Variants in SPIDR observed in about 807,000 individuals in gnomAD.
SPIDR encodes DNA repair-scaffolding protein.
In SPIDR, 93 loss-of-function variants were observed where a neutral mutation model predicts 104.6. That is an observed-to-expected ratio of 0.89 (90% CI 0.75 to 1.06). SPIDR has a LOEUF of 1.06. SPIDR is among the 50% of genes least tolerant of loss of function. The pLI is 0.00. For synonymous variants in SPIDR, 431 were observed against 416.9 expected (o/e 1.03, Z -0.41); for missense variants, 1,154 against 1,111.2 (o/e 1.04, Z -0.55).
intron 7 of SPIDR, among the ~76,000 whole-genome samples, chr8:47,439,038 G>T (rs949311024): frequency 3.3e-5 from 5 of 152,066 alleles, no homozygotes; most frequent in Admixed American, 2.6e-4. Flanking sequence ...CTTCATTTTT[G>T]TTGTTCTCAG....
In SPIDR at chr8:47,497,422, A is replaced by G. The variant is rs145420317; in HGVS notation, c.1097+56880A>G. On this transcript the variant is annotated intron_variant, in intron 8 of 19. Transcript: ENST00000297423. Reference sequence around the variant, plus strand: ...TGTATTTTCCTTTTCATTAATCTCAAAGTATTTTCTAATGTCCCTGTGATT... The same window carrying G: ...TGTATTTTCCTTTTCATTAATCTCAGAGTATTTTCTAATGTCCCTGTGATT... 5.6e-3 allele frequency among the ~76,000 whole-genome samples: 856 copies of G among 152,132 alleles called. 6 individuals carry two copies. Among genetic ancestry groups the G allele is most frequent in the African/African-American group, 0.019 (787 of 41,490 alleles).
chr8:47,725,292 C>G (rs1036218672), intron 16 of SPIDR, among the ~76,000 whole-genome samples: 1 of 152,218 alleles, frequency 6.6e-6, no homozygotes, highest in Non-Finnish European at 1.5e-5. Flanking sequence ...AAACTAAAGA[C>G]TTAATGGCAA....
chr8:47,583,353 T>C (rs577087417), intron 8 of SPIDR, among the ~76,000 whole-genome samples: 1 of 149,540 alleles, frequency 6.7e-6, no homozygotes, highest in East Asian at 2.0e-4. Flanking sequence ...ATCATGATAA[T>C]GTTCATTGGT....
intron 10 of SPIDR, among the ~76,000 whole-genome samples, chr8:47,628,819 T>G (rs1412734448): frequency 6.6e-6 from 1 of 152,230 alleles, no homozygotes; most frequent in Non-Finnish European, 1.5e-5. Flanking sequence ...GGAGAATGTT[T>G]GTTGGTTTTT....
At chr8:47,363,318 G>A (rs1158273575) in intron 5 of SPIDR, among the ~76,000 whole-genome samples, 2 of 137,728 alleles carry the variant, frequency 1.5e-5, no homozygotes, top group Non-Finnish European at 3.0e-5. Context: ...CCATTCTCCT[G>A]CCTCAGCCTC....
At chr8:47,390,880 G>C (rs1308116949) in intron 5 of SPIDR, among the ~76,000 whole-genome samples, 1 of 152,076 alleles carries the variant, frequency 6.6e-6, no homozygotes, top group Admixed American at 6.5e-5. Flanking sequence ...CTCCTTTCTC[G>C]TTAGTCTGAT....
chr8:47,678,763 T>C (rs965350819), intron 11 of SPIDR, among the ~76,000 whole-genome samples: 1 of 152,104 alleles, frequency 6.6e-6, no homozygotes, highest in Non-Finnish European at 1.5e-5. Flanking sequence ...TCAGTTTCCA[T>C]GAAAAGGTGA....
At chr8:47,349,852 C>G (rs1233125154) in intron 5 of SPIDR, among the ~76,000 whole-genome samples, 2 of 152,162 alleles carry the variant, frequency 1.3e-5, no homozygotes, top group East Asian at 3.9e-4. Flanking sequence ...CGGGAGTGTC[C>G]CGATTTTCCA....
chr8:47,650,937 T>A (rs2154456673), intron 10 of SPIDR, among the ~76,000 whole-genome samples: 1 of 152,284 alleles, frequency 6.6e-6, no homozygotes, highest in East Asian at 1.9e-4. Flanking sequence ...TCTCTCACCT[T>A]ATACAAAATA....
intron 6 of SPIDR, among the ~76,000 whole-genome samples, chr8:47,404,430 A>G (rs2062410163): frequency 1.3e-5 from 2 of 152,242 alleles, no homozygotes; most frequent in African/African-American, 4.8e-5. Flanking sequence ...AAAATGGGAG[A>G]AAATTTTTGC....
chr8:47,410,288 TCTC>T (rs2063325508), intron 7 of SPIDR, among the ~76,000 whole-genome samples: 1 of 151,934 alleles, frequency 6.6e-6, no homozygotes, highest in Non-Finnish European at 1.5e-5. Context: ...TTCAAGCGAT[TCTC>T]CTCCTCAACC....
chr8:47,461,409 T>G (rs910914184), intron 8 of SPIDR, among the ~76,000 whole-genome samples: 8 of 152,142 alleles, frequency 5.3e-5, no homozygotes, highest in Non-Finnish European at 4.4e-5. Context: ...ACTCCCGGAT[T>G]CAAGCGATTC....
chr8:47,366,369 C>T (rs2057213045), intron 5 of SPIDR, among the ~76,000 whole-genome samples: 3 of 151,944 alleles, frequency 2.0e-5, no homozygotes, highest in Admixed American at 2.0e-4. Flanking sequence ...GGCTGTGGTT[C>T]CTGAAGAGGA....
intron 10 of SPIDR, among the ~76,000 whole-genome samples, chr8:47,607,600 A>G (rs915336964): frequency 1.3e-5 from 2 of 151,388 alleles, no homozygotes; most frequent in African/African-American, 4.8e-5. Context: ...GTAGTCAACC[A>G]TTTTGACTCC....
At chr8:47,602,867 T>C (rs2062460948) in intron 10 of SPIDR, among the ~76,000 whole-genome samples, 1 of 152,248 alleles carries the variant, frequency 6.6e-6, no homozygotes, top group Non-Finnish European at 1.5e-5. Flanking sequence ...TTCAGAAATA[T>C]AGTATGTTAG....
chr8:47,340,426 G>A (rs1480555649), intron 5 of SPIDR, among the ~76,000 whole-genome samples: 2 of 152,026 alleles, frequency 1.3e-5, no homozygotes, highest in African/African-American at 2.4e-5. Flanking sequence ...CTAACATGGC[G>A]AAACCCCGTC....
intron 1 of SPIDR, among the ~76,000 whole-genome samples, chr8:47,266,813 G>A (rs146698275): frequency 6.6e-6 from 1 of 152,256 alleles, no homozygotes; most frequent in East Asian, 1.9e-4. Flanking sequence ...TATATTTACA[G>A]AGTTGTACAA....
At chr8:47,721,138 G>A (rs576736189) in intron 16 of SPIDR, among the ~76,000 whole-genome samples, 18 of 152,188 alleles carry the variant, frequency 1.2e-4, no homozygotes, top group East Asian at 3.9e-4. Context: ...TTTCTTTCAC[G>A]AATTGCATTT....
intron 14 of SPIDR, among the ~76,000 whole-genome samples, chr8:47,702,505 C>G (rs2154484142): frequency 6.6e-6 from 1 of 152,298 alleles, no homozygotes; most frequent in South Asian, 2.1e-4. Flanking sequence ...CATCCCACCT[C>G]CATGGTCCCT....
Sources: gnomAD v4.1 joint callset for allele counts (sites outside exome capture counted in the v4.1 genomes callset) on GRCh38, gnomAD v4.1.1 for gene constraint, MANE v1.5 for transcripts, NCBI Gene and HGNC (gene_info 2026-07-23, HGNC 2026-07-21) for gene names.